PRKCE: variants seen among roughly 807,000 people sequenced by gnomAD.
The protein encoded by PRKCE is protein kinase C epsilon type.
In PRKCE, 16 loss-of-function variants were observed where a neutral mutation model predicts 85.4. The ratio of observed to expected loss-of-function variants is 0.19; its 90% confidence interval spans 0.13 to 0.28. The LOEUF is 0.28. Ranked by LOEUF, PRKCE falls within the 10% of genes least tolerant of loss-of-function variation. The pLI is 1.00. For missense variants in PRKCE, 573 were observed against 975.2 expected, an observed-to-expected ratio of 0.59 and a Z score of 5.49; for synonymous variants, 388 against 371.5, an observed-to-expected ratio of 1.04 and a Z score of -0.51.
chr2:45,896,904 C>T (rs922958266), intron 2 of PRKCE, among the ~76,000 whole-genome samples: 2 of 151,938 alleles, frequency 1.3e-5, no homozygotes, highest in East Asian at 1.9e-4. Flanking sequence ...GGGAACATAG[C>T]GAGACCCCAT....
At chr2:45,716,559 AAAAG>A (rs1262182664) in intron 1 of PRKCE, among the ~76,000 whole-genome samples, 8 of 150,004 alleles carry the variant, frequency 5.3e-5, no homozygotes, top group Non-Finnish European at 3.0e-5. Flanking sequence ...GAAAGGAAGA[AAAAG>A]AAAGAAAGGA....
intron 14 of PRKCE, among the ~76,000 whole-genome samples, chr2:46,178,823 G>A (rs1232841936): frequency 2.0e-5 from 3 of 152,142 alleles, no homozygotes; most frequent in African/African-American, 7.2e-5. Context: ...ACCTTGAGGG[G>A]TATGATGGGG....
At chr2:46,142,771 C>G (rs1254699140) in intron 11 of PRKCE, among the ~76,000 whole-genome samples, 1 of 152,268 alleles carries the variant, frequency 6.6e-6, no homozygotes, top group Admixed American at 6.5e-5. Flanking sequence ...CTTTGCCCCA[C>G]CTGAGGCAAT....
At chr2:46,059,256 C>A (rs1574358650) in intron 10 of PRKCE, among the ~76,000 whole-genome samples, 1 of 152,058 alleles carries the variant, frequency 6.6e-6, no homozygotes, top group Non-Finnish European at 1.5e-5. Context: ...CCGTTGCACT[C>A]CAGCCTGGAT....
intron 14 of PRKCE, among the ~76,000 whole-genome samples, chr2:46,176,940 G>C (rs1055677411): frequency 6.6e-6 from 1 of 152,192 alleles, no homozygotes; most frequent in African/African-American, 2.4e-5. Flanking sequence ...TTGTATTTTA[G>C]GGTTTATCTG....
intron 1 of PRKCE, among the ~76,000 whole-genome samples, chr2:45,776,562 G>A (rs921727727): frequency 3.3e-5 from 5 of 152,210 alleles, no homozygotes; most frequent in Non-Finnish European, 7.3e-5. Flanking sequence ...CTTAAGCTCA[G>A]TATTTTCCAG....
intron 2 of PRKCE, among the ~76,000 whole-genome samples, chr2:45,969,657 C>T (rs749803082): frequency 6.6e-6 from 1 of 152,166 alleles, no homozygotes; most frequent in Non-Finnish European, 1.5e-5. Context: ...CCCACTCCTG[C>T]AGCATGAGGG....
intron 2 of PRKCE, among the ~76,000 whole-genome samples, chr2:45,903,889 TTG>T (rs1491039877): frequency 1.7e-5 from 2 of 120,460 alleles, no homozygotes; most frequent in African/African-American, 7.1e-5. Context: ...CAGTTTTTTT[TTG>T]TTTGTTTGTT....
intron 10 of PRKCE, chr2:46,078,371 TAAA>T (rs11387144): frequency 3.9e-5 from 5 of 128,136 alleles, no homozygotes; most frequent in Non-Finnish European, 5.0e-5. Context: ...CTCTTGTCTC[TAAA>T]AAAAAAAAAA....
At chr2:45,993,215 T>TG (rs1341109081) in intron 6 of PRKCE, among the ~76,000 whole-genome samples, 1 of 152,188 alleles carries the variant, frequency 6.6e-6, no homozygotes, top group Non-Finnish European at 1.5e-5. Context: ...TTTCTTTTGG[T>TG]TCCAACAGGG....
chr2:45,888,885 A>C (rs1314141811), intron 2 of PRKCE, among the ~76,000 whole-genome samples: 1 of 152,000 alleles, frequency 6.6e-6, no homozygotes, highest in Non-Finnish European at 1.5e-5. Flanking sequence ...CCTCAAGTAC[A>C]GATGGTGCTC....
intron 2 of PRKCE, among the ~76,000 whole-genome samples, chr2:45,936,770 AG>A (rs1239870131): frequency 5.3e-5 from 8 of 152,280 alleles, no homozygotes; most frequent in Middle Eastern, 6.8e-3. Context: ...GTGATTTTGG[AG>A]GACCCAAAGA....
chr2:45,665,286 T>A (rs1190270113), intron 1 of PRKCE, among the ~76,000 whole-genome samples: 1 of 152,222 alleles, frequency 6.6e-6, no homozygotes, highest in African/African-American at 2.4e-5. Context: ...CATTCAGAAT[T>A]CACCCAAGAG....
chr2:45,891,569 G>A (rs1038956600), intron 2 of PRKCE, among the ~76,000 whole-genome samples: 2 of 152,156 alleles, frequency 1.3e-5, no homozygotes, highest in African/African-American at 4.8e-5. Context: ...ATCAAGGTGG[G>A]CCACACACCT....
chr2:46,016,958 T>C (rs1274406510), intron 10 of PRKCE, among the ~76,000 whole-genome samples: 3 of 150,526 alleles, frequency 2.0e-5, no homozygotes, highest in Non-Finnish European at 4.4e-5. Flanking sequence ...AGATCAGCCA[T>C]TTTATAACTG....
chr2:45,699,429 T>C (rs1333365288), intron 1 of PRKCE, among the ~76,000 whole-genome samples: 1 of 152,182 alleles, frequency 6.6e-6, no homozygotes, highest in East Asian at 1.9e-4. Context: ...CAGTAAAGGT[T>C]GGCTGAGTCA....
chr2:45,782,359 C>A (rs746875600), intron 1 of PRKCE, among the ~76,000 whole-genome samples: 1 of 152,190 alleles, frequency 6.6e-6, no homozygotes, highest in Non-Finnish European at 1.5e-5. Flanking sequence ...GGGTTCTAAT[C>A]CCAAGTCCCC....
At chr2:45,963,289 A>G (rs1004747420) in intron 2 of PRKCE, among the ~76,000 whole-genome samples, 1 of 151,970 alleles carries the variant, frequency 6.6e-6, no homozygotes, top group Non-Finnish European at 1.5e-5. Flanking sequence ...TGGGTGGCAT[A>G]ATAATCATCT....
intron 1 of PRKCE, 136 bp from the exon 2 acceptor site, chr2:45,842,864 C>G: frequency 1.3e-6 from 1 of 797,302 alleles, no homozygotes; most frequent in Non-Finnish European, 2.2e-6. Flanking sequence ...TCACCTAGCA[C>G]TCAACACATT....
Sources: gnomAD v4.1 joint callset for allele counts (sites outside exome capture counted in the v4.1 genomes callset) on GRCh38, gnomAD v4.1.1 for gene constraint, MANE v1.5 for transcripts, NCBI Gene and HGNC (gene_info 2026-07-23, HGNC 2026-07-21) for gene names.